Variants in APOB observed in about 807,000 individuals in gnomAD.
APOB encodes apolipoprotein B-100.
In APOB, 153 loss-of-function variants were observed where a neutral mutation model predicts 314.1. That is an observed-to-expected ratio of 0.49 (90% CI 0.43 to 0.56). The LOEUF is 0.56. Ranked by LOEUF, APOB falls within the 20% of genes least tolerant of loss-of-function variation. The probability of loss-of-function intolerance (pLI) is 0.00; values close to 1 mark genes in which losing one functional copy is unlikely to be tolerated. For synonymous variants in APOB, 2,087 were observed against 2,036.4 expected, an observed-to-expected ratio of 1.02 and a Z score of -0.67; for missense variants, 5,430 against 5,350.7, an observed-to-expected ratio of 1.01 and a Z score of -0.46.
Position 21,008,555 on chromosome 2 carries a change from T to G in APOB, c.8313A>C (p.Leu2771Phe). 1 of 1,614,124 alleles carries G rather than the reference T, an allele frequency of 6.2e-7. No homozygotes were observed. The highest frequency in any genetic ancestry group is 8.5e-7 in the Non-Finnish European group (1 of 1,179,976). Residue 2771 changes from leucine to phenylalanine, a missense_variant, in exon 26 of 29, where the codon TTA becomes TTC. Coordinates refer to ENST00000233242, the MANE Select transcript of APOB (RefSeq NM_000384.3). ...ILKIQSPLFT[L>F]DANADIGNGT... ...CATTCCCTATGTCAGCATTTGCATC[T>G]AATGTGAAAAGAGGAGATTGGATTT...
chr2:21,026,309 G>A (rs949029145), intron 15 of APOB, among the ~76,000 whole-genome samples: 4 of 151,804 alleles, frequency 2.6e-5, no homozygotes, highest in African/African-American at 7.3e-5. Flanking sequence ...GTGTAACGGC[G>A]TGATCTCGGC....
chr2:21,020,496 C>T (rs1442973846), intron 18 of APOB, among the ~76,000 whole-genome samples: 2 of 152,210 alleles, frequency 1.3e-5, no homozygotes, highest in Non-Finnish European at 2.9e-5. Context: ...CTCTAATGCC[C>T]TCCTTGCTCC....
intron 16 of APOB, 65 bp from the exon 17 acceptor site, chr2:21,023,757 A>C: frequency 7.2e-7 from 1 of 1,388,820 alleles, no homozygotes; most frequent in Non-Finnish European, 9.9e-7. Context: ...TGTTAATTAC[A>C]ACCTCCCATA....
At chr2:21,032,774 G>A (rs1239670067) in intron 9 of APOB, among the ~76,000 whole-genome samples, 193 bp from the exon 10 acceptor site, 4 of 152,108 alleles carry the variant, frequency 2.6e-5, no homozygotes, top group Non-Finnish European at 2.9e-5. Context: ...AAGCCCAATC[G>A]AGAAAAGTTC....
Position 21,001,900 on chromosome 2 carries a change from CAG to C in APOB, c.13520_13521del (p.Ser4507Ter), listed in dbSNP as rs756787301. The C allele has an allele frequency of 1.2e-6, 2 of 1,613,968 alleles. No individual in the cohort carries two copies. Among genetic ancestry groups the C allele is most frequent in the South Asian group, 1.1e-5 (1 of 91,082 alleles). On this transcript the variant is annotated frameshift_variant, in exon 29 of 29. Coordinates refer to ENST00000233242, the MANE Select transcript of APOB (RefSeq NM_000384.3). LOFTEE classifies it high-confidence loss of function. Reference sequence around the variant, plus strand: ...TCAGCAATAAATTTTTCATAGTAATCAGAGAGTTGGTCTGAAAAATCTTGCAG... The same window carrying C: ...TCAGCAATAAATTTTTCATAGTAATCAGAGTTGGTCTGAAAAATCTTGCAG... The part of the protein sequence containing the change: ...YKLQDFSDQL[S>X]DYYEKFIAES...
In APOB at chr2:21,010,105, T is replaced by C. The variant is rs1275914021; in HGVS notation, c.6763A>G (p.Lys2255Glu). 1.2e-6 allele frequency: 2 copies of C among 1,612,866 alleles called. No homozygotes were observed. The highest frequency in any genetic ancestry group is 4.5e-5 in the East Asian group (2 of 44,830). The change falls in exon 26 of 29, where the codon AAG becomes GAG. Residue 2255 changes from lysine to glutamate, a missense_variant. Lys to Glu is a moderately conservative substitution (Grantham distance 56). Around this residue, in one of 3 missense-constraint regions of APOB, gnomAD observed 3,281 missense variants for 3,171.0 expected, o/e 1.03. Coordinates refer to ENST00000233242, the MANE Select transcript of APOB (RefSeq NM_000384.3). The part of the protein sequence containing the change: ...TASWIQNVDT[K>E]YQIRIQIQEK... ...TGTATCTGGATTCTGATTTGGTACT[T>C]AGTATCCACATTTTGAATCCAGGAT...
chr2:21,035,721 T>C lies in APOB; in HGVS notation c.694-13A>G. On this transcript the variant is annotated splice_polypyrimidine_tract_variant and intron_variant, in intron 6 of 28. Coordinates refer to ENST00000233242, the MANE Select transcript of APOB (RefSeq NM_000384.3). ...ACAAGGGGCGGGTCTATGAAAGAGA[T>C]TGGAGACGAGCATTTTGATCAGTCC... 1.9e-6 allele frequency: 3 copies of C among 1,613,784 alleles called. No individual in the cohort carries two copies. The highest frequency in any genetic ancestry group is 1.7e-6 in the Non-Finnish European group (2 of 1,179,984).
In APOB at chr2:21,002,394, T is replaced by A. The variant is rs1190583196; in HGVS notation, c.13028A>T (p.Tyr4343Phe). The A allele has an allele frequency of 6.2e-7, 1 of 1,601,992 alleles. No homozygotes were observed. ...INTIFSDYIP[Y>F]VFKLLKENLC... is the part of the protein sequence containing the mutation. The stretch of plus-strand genomic sequence containing the variant: ...GTTTTCTTTCAACAATTTAAAAACA[T>A]ATGGGATATAATCACTGAAGATTGT... Residue 4343 changes from tyrosine to phenylalanine, a missense_variant, in exon 29 of 29, where the codon TAT becomes TTT. This residue lies in a region of APOB where 3,281 missense variants were observed against 3,171.0 expected (regional missense o/e 1.03). Transcript: ENST00000233242.
At chr2:21,013,592 C>G (rs1663391229) in intron 24 of APOB, 59 bp from the exon 25 acceptor site, 2 of 1,610,776 alleles carry the variant, frequency 1.2e-6, no homozygotes, top group Non-Finnish European at 1.7e-6. Flanking sequence ...TCAAAGTTCT[C>G]TGCCTCTGAC....
At position 21,028,540 on chromosome 2, in the gene APOB, T is replaced by C. The variant is rs373251374; in HGVS notation, c.1618-2A>G. The C allele has an allele frequency of 6.2e-7, 1 of 1,607,320 alleles. No homozygotes were observed. ...AGTCTGAAGAAGAACCTCCTGGTCC[T>C]GCAGTCAAAAGAGGAGATGGTTATC... is the stretch of plus-strand genomic sequence containing the variant. On this transcript the variant is annotated splice_acceptor_variant, in intron 12 of 28. Transcript: ENST00000233242. LOFTEE classifies it high-confidence loss of function.
chr2:21,009,878 T>C lies in APOB; in HGVS notation c.6990A>G (p.Val2330=). 1 of 1,614,032 alleles carries C rather than the reference T, an allele frequency of 6.2e-7. No homozygotes were observed. Among genetic ancestry groups the C allele is most frequent in the Non-Finnish European group, 8.5e-7 (1 of 1,179,932 alleles). The part of the protein sequence containing the change: ...FVINLIGDFE[V]AEKINAFRAK... ...CTCTGAAGGCATTGATTTTCTCAGC[T>C]ACTTCAAAATCCCCAATAAGATTTA... The change falls in exon 26 of 29, where the codon GTA becomes GTG. Residue 2330 remains valine (V), a synonymous_variant. Coordinates refer to ENST00000233242, the MANE Select transcript of APOB (RefSeq NM_000384.3).
At chr2:21,036,616 C>T (rs1406942723) in intron 6 of APOB, among the ~76,000 whole-genome samples, 1 of 151,938 alleles carries the variant, frequency 6.6e-6, no homozygotes, top group Non-Finnish European at 1.5e-5. Context: ...GGTGGAAGGA[C>T]AAGAAGCTGG....
intron 8 of APOB, 91 bp from the exon 9 acceptor site, chr2:21,033,609 C>A (rs1572799442): frequency 9.1e-7 from 1 of 1,098,340 alleles, no homozygotes; most frequent in Non-Finnish European, 1.4e-6. Flanking sequence ...GGAGTATCAG[C>A]ACAGGGGAAA....
chr2:21,003,040 C>G lies in APOB; in HGVS notation c.12382G>C (p.Val4128Leu), dbSNP rs1801703. 9 of 1,567,458 alleles carry G rather than the reference C, an allele frequency of 5.7e-6. No individual in the cohort carries two copies. In the South Asian group the frequency reaches 9.7e-5, roughly 17 times the overall value. The change falls in exon 29 of 29, where the codon GTG (valine) becomes CTG (leucine). Residue 4128 changes from valine (V) to leucine (L), a missense_variant. By Grantham distance (32) the Val-to-Leu change is conservative. Transcript: ENST00000233242. ...GAIRQIDDID[V>L]RFQKAASGTT... ...CCACTGGCTGCTTTCTGGAACCTCA[C>G]GTCGATATCATCAATTTGCCTAATG...
intron 26 of APOB, 33 bp downstream of exon 26, chr2:21,005,047 A>G (rs2103350175): frequency 6.2e-7 from 1 of 1,608,528 alleles, no homozygotes; most frequent in Non-Finnish European, 8.5e-7. Flanking sequence ...GAAAATATAC[A>G]GTATCTAGGA....
intron 20 of APOB, among the ~76,000 whole-genome samples, chr2:21,016,977 C>G (rs1258089952): frequency 7.3e-6 from 1 of 137,094 alleles, no homozygotes; most frequent in African/African-American, 2.9e-5. Flanking sequence ...GAGCGAGACT[C>G]CATCTCAAAA....
chr2:21,029,870 T>A, intron 11 of APOB, 28 bp downstream of exon 11: 1 of 1,608,332 alleles, frequency 6.2e-7, no homozygotes, highest in East Asian at 2.2e-5. Context: ...TCTGAAATGA[T>A]GTATGTCATA....
In APOB at chr2:21,002,154, G is replaced by C. The variant is rs149182045; in HGVS notation, c.13268C>G (p.Ser4423Cys). ...GTTAGAGGCACTGACAATATATTCA[G>C]AATGGAAGTCCTTAAGAGCAACTAA... ...NLLVALKDFH[S>C]EYIVSASNFT... Residue 4423 changes from serine to cysteine, a missense_variant, in exon 29 of 29, where the codon TCT (serine) becomes TGT (cysteine). This residue lies in a region of APOB where 3,281 missense variants were observed against 3,171.0 expected (regional missense o/e 1.03). Transcript: ENST00000233242. 45 of 1,613,846 alleles carry C rather than the reference G, an allele frequency of 2.8e-5. No homozygotes were observed. Among genetic ancestry groups the C allele is most frequent in the African/African-American group, 9.3e-5 (7 of 74,920 alleles).
intron 9 of APOB, among the ~76,000 whole-genome samples, chr2:21,032,869 T>G (rs901114632): frequency 2.0e-5 from 3 of 152,128 alleles, no homozygotes; most frequent in African/African-American, 7.2e-5. Flanking sequence ...TGGCCAACAT[T>G]AGCTGGGTCT....
Sources: gnomAD v4.1 joint callset for allele counts (sites outside exome capture counted in the v4.1 genomes callset) on GRCh38, gnomAD v4.1.1 for gene constraint, gnomAD v4.1.1 regional missense constraint, MANE v1.5 for transcripts, NCBI Gene and HGNC (gene_info 2026-07-23, HGNC 2026-07-21) for gene names.